Variants in LRRC69 observed in about 807,000 individuals in gnomAD.
LRRC69 encodes leucine rich repeat containing 69, also known as leucine-rich repeat-containing protein 69.
A neutral mutation model predicts 37.8 loss-of-function variants in LRRC69; 42 were observed. The ratio of observed to expected loss-of-function variants is 1.11; its 90% CI spans 0.87 to 1.44. The LOEUF (loss-of-function observed/expected upper bound fraction) is 1.44, where lower values mean the gene tolerates loss of function less well. Among genes scored for constraint, LRRC69 ranks in the 40% most tolerant of loss-of-function variants. The probability of loss-of-function intolerance (pLI) is 0.00; values close to 1 mark genes in which losing one functional copy is unlikely to be tolerated. For missense variants in LRRC69, 357 were observed against 401.9 expected, an observed-to-expected ratio of 0.89 and a Z score of 0.96; for synonymous variants, 141 against 143.1, an observed-to-expected ratio of 0.99 and a Z score of 0.11.
Position 91,211,619 on chromosome 8 carries a change from T to TTTTTA in LRRC69, c.934-7267_934-7266insATTTT, listed in dbSNP as rs1554597831. On this transcript the variant is annotated intron_variant, in intron 7 of 7. Coordinates refer to ENST00000448384, the Ensembl canonical transcript of LRRC69. Reference sequence around the variant, plus strand: ...AAATATATATATATATATATATATTTTTTTTTTATTTTTTTTGCTTGGAAG... The same window carrying TTTTTA: ...AAATATATATATATATATATATATTTTTTTATTTTTTTATTTTTTTTGCTTGGAAG... Among the ~76,000 whole-genome samples, 80 of 144,722 alleles carry TTTTTA rather than the reference T, an allele frequency of 5.5e-4. No homozygotes were observed. The East Asian group carries it at 0.012, about 22-fold the overall frequency. The allele number at this position is 144,722 out of a possible 152,430, so 94.9% of individuals were successfully genotyped here.
At chr8:91,125,203 G>A (rs1813697086) in intron 2 of LRRC69, among the ~76,000 whole-genome samples, 1 of 151,722 alleles carries the variant, frequency 6.6e-6, no homozygotes, top group African/African-American at 2.4e-5. Flanking sequence ...GGCTTTTATA[G>A]CTTTATCAAC....
Position 91,187,525 on chromosome 8 carries a change from A to G in LRRC69, c.652-1997A>G, listed in dbSNP as rs150006209. 2.6e-5 allele frequency among the ~76,000 whole-genome samples: 4 copies of G among 152,346 alleles called. No homozygotes were observed. In the East Asian group the frequency reaches 7.7e-4, roughly 29 times the overall value. ...GAAGCTGAATGCTAAAGGGAAGCAC[A>G]TTATTGTACAGACAGGGGCCACCAC... is the stretch of plus-strand genomic sequence containing the variant. On this transcript the variant is annotated intron_variant, in intron 5 of 7. Transcript: ENST00000448384.
intron 1 of LRRC69, among the ~76,000 whole-genome samples, chr8:91,107,636 A>G (rs1391437674): frequency 6.6e-6 from 1 of 152,014 alleles, no homozygotes; most frequent in Non-Finnish European, 1.5e-5. Context: ...TACCATTATG[A>G]TATGACTAGC....
intron 6 of LRRC69, among the ~76,000 whole-genome samples, chr8:91,192,612 T>C (rs1161338073): frequency 6.6e-6 from 1 of 152,148 alleles, no homozygotes; most frequent in Non-Finnish European, 1.5e-5. Flanking sequence ...ATGAGCATTT[T>C]TTCATGTGTT....
At chr8:91,200,292 A>T (rs1399115669) in intron 6 of LRRC69, among the ~76,000 whole-genome samples, 1 of 152,218 alleles carries the variant, frequency 6.6e-6, no homozygotes, top group Non-Finnish European at 1.5e-5. Context: ...GCTTATTGTA[A>T]TGAGAGGTGC....
intron 6 of LRRC69, among the ~76,000 whole-genome samples, chr8:91,194,705 AT>A (rs1272114243): frequency 2.0e-5 from 3 of 152,022 alleles, no homozygotes; most frequent in Non-Finnish European, 4.4e-5. Flanking sequence ...CCCCTTTATC[AT>A]TTTTTATTGC....
intron 7 of LRRC69, chr8:91,206,614 A>AT: frequency 8.4e-7 from 1 of 1,187,028 alleles, no homozygotes; most frequent in Non-Finnish European, 1.1e-6. Context: ...ACAAGTTGCC[A>AT]TGTTTAATTG....
chr8:91,137,696 C>T (rs1282528372), intron 5 of LRRC69, among the ~76,000 whole-genome samples: 6 of 151,990 alleles, frequency 3.9e-5, no homozygotes, highest in African/African-American at 1.4e-4. Context: ...TTTCTATAAA[C>T]ACTCTCACAT....
intron 1 of LRRC69, 119 bp downstream of exon 1, chr8:91,102,963 A>T (rs371837648): frequency 3.1e-6 from 3 of 965,134 alleles, no homozygotes; most frequent in East Asian, 2.7e-5. Flanking sequence ...AGGTATCTGG[A>T]GACTTAATGT....
intron 5 of LRRC69, among the ~76,000 whole-genome samples, chr8:91,184,516 T>G (rs577434869): frequency 6.6e-6 from 1 of 152,196 alleles, no homozygotes; most frequent in Non-Finnish European, 1.5e-5. Flanking sequence ...GCTAAAAGAA[T>G]GTATCCTTCA....
chr8:91,167,807 T>C (rs1225925966), intron 5 of LRRC69, among the ~76,000 whole-genome samples: 1 of 151,894 alleles, frequency 6.6e-6, no homozygotes, highest in Non-Finnish European at 1.5e-5. Context: ...TTAGCACCAC[T>C]GACTGAGACA....
At position 91,159,563 on chromosome 8, in the gene LRRC69, G is replaced by A. The variant is rs570102267; in HGVS notation, c.651+23824G>A. Among the ~76,000 whole-genome samples, 17 of 151,222 alleles carry A rather than the reference G, an allele frequency of 1.1e-4. No individual in the cohort carries two copies. The South Asian group carries it at 3.5e-3, about 31-fold the overall frequency. ...ACATACACTCTAGCTGAAAGAGCAA[G>A]AGTACACATCAACAAAAAAATGGGA... On this transcript the variant is annotated intron_variant, in intron 5 of 7. Coordinates refer to ENST00000448384, the Ensembl canonical transcript of LRRC69.
intron 5 of LRRC69, among the ~76,000 whole-genome samples, chr8:91,149,356 T>C (rs185944384): frequency 3.3e-5 from 5 of 151,950 alleles, no homozygotes; most frequent in Admixed American, 1.3e-4. Flanking sequence ...TTTCTCCATT[T>C]CTTGTTTTTG....
In LRRC69 at chr8:91,163,192, T is replaced by G. The variant is rs186241616; in HGVS notation, c.652-26330T>G. Among the ~76,000 whole-genome samples the G allele has an allele frequency of 2.6e-5, 4 of 151,476 alleles. No homozygotes were observed. In the East Asian group the frequency reaches 7.8e-4, roughly 30 times the overall value. On this transcript the variant is annotated intron_variant, in intron 5 of 7. Coordinates refer to ENST00000448384, the Ensembl canonical transcript of LRRC69. ...AGCCTCTACTCTATGACATCAAATT[T>G]TAAATTTTTCTTTATGGCACTTACC...
rs373313771 is a variant in LRRC69 at position 91,141,982 on chromosome 8, CTCAGTCTATGAAGTAGTTGTGAT to C, written c.651+6251_651+6273del. On this transcript the variant is annotated intron_variant, in intron 5 of 7. Transcript: ENST00000448384. ...TAATATCTTTCTTTAGGTCAGAAAA[CTCAGTCTATGAAGTAGTTGTGAT>C]TCAGTCTTTTCAACAGAAAAAAAAG... Among the ~76,000 whole-genome samples the C allele has an allele frequency of 8.0e-3, 1,220 of 151,980 alleles. 24 individuals are homozygous for C. Among genetic ancestry groups the C allele is most frequent in the African/African-American group, 0.028 (1,177 of 41,534 alleles).
At chr8:91,148,386 T>C (rs1253543455) in intron 5 of LRRC69, among the ~76,000 whole-genome samples, 1 of 151,862 alleles carries the variant, frequency 6.6e-6, no homozygotes, top group Non-Finnish European at 1.5e-5. Flanking sequence ...TCCAGCTTCA[T>C]CCATGTCCCT....
intron 5 of LRRC69, among the ~76,000 whole-genome samples, chr8:91,147,603 G>A (rs11987648): frequency 3.3e-5 from 5 of 151,524 alleles, no homozygotes; most frequent in Non-Finnish European, 7.4e-5. Context: ...TACTTGTTCT[G>A]TACTCCTTTT....
At chr8:91,137,068 C>T (rs571556071) in intron 5 of LRRC69, among the ~76,000 whole-genome samples, 4 of 152,070 alleles carry the variant, frequency 2.6e-5, no homozygotes, top group African/African-American at 9.6e-5. Context: ...TGGGAATATC[C>T]TTAGATGAAA....
chr8:91,133,508 G>T, intron 4 of LRRC69: 1 of 431,500 alleles, frequency 2.3e-6, no homozygotes. Context: ...GCCAGATTTA[G>T]TAAATACAAA....
Sources: gnomAD v4.1 joint callset for allele counts (sites outside exome capture counted in the v4.1 genomes callset) on GRCh38, gnomAD v4.1.1 for gene constraint, MANE v1.5 for transcripts, NCBI Gene and HGNC (gene_info 2026-07-23, HGNC 2026-07-21) for gene names.